The following CSNK1G3 variants were observed in gnomAD, a reference collection of about 807,000 sequenced individuals.
CSNK1G3 encodes casein kinase I isoform gamma-3.
CSNK1G3 carries 23 observed loss-of-function variants against 64.3 expected under a neutral mutation model. That is an observed-to-expected ratio of 0.36 (90% CI 0.26 to 0.51). The LOEUF (loss-of-function observed/expected upper bound fraction) is 0.51. CSNK1G3 is among the 20% of genes least tolerant of loss of function. The pLI, the probability that CSNK1G3 is intolerant of heterozygous loss-of-function variation, is 0.96. For synonymous variants in CSNK1G3, 158 were observed against 162.2 expected (o/e 0.97, Z 0.20); for missense variants, 357 against 510.5 (o/e 0.70, Z 2.90).
chr5:123,578,910 C>T (rs754957895), intron 6 of CSNK1G3, among the ~76,000 whole-genome samples: 1 of 151,960 alleles, frequency 6.6e-6, no homozygotes, highest in Non-Finnish European at 1.5e-5. Context: ...GTATTCATAT[C>T]AGAGAAAGTA....
intron 12 of CSNK1G3, among the ~76,000 whole-genome samples, chr5:123,608,007 C>CGCCA (rs928516193): frequency 1.3e-4 from 20 of 151,984 alleles, no homozygotes; most frequent in African/African-American, 4.8e-4. Flanking sequence ...GTTGCCAAGG[C>CGCCA]TGGCCCTGAA....
rs190756782 is a variant in CSNK1G3, at chr5:123,540,619, C to G, written c.-247-4798C>G. Among the ~76,000 whole-genome samples, 386 of 151,548 alleles carry G rather than the reference C, an allele frequency of 2.5e-3. 1 individual carries two copies. Among genetic ancestry groups the G allele is most frequent in the Admixed American group, 4.5e-3 (68 of 15,198 alleles). On this transcript the variant is annotated intron_variant, in intron 1 of 12. Coordinates refer to ENST00000345990, the Ensembl canonical transcript of CSNK1G3. Reference sequence around the variant, plus strand: ...ACTCTTCTAGATGCTATACAGCTGTCGATTTCTAATTTAATTATTTTTTAT... The same window carrying G: ...ACTCTTCTAGATGCTATACAGCTGTGGATTTCTAATTTAATTATTTTTTAT...
chr5:123,609,329 A>T (rs1795906270), intron 12 of CSNK1G3, among the ~76,000 whole-genome samples: 1 of 152,158 alleles, frequency 6.6e-6, no homozygotes, highest in Non-Finnish European at 1.5e-5. Context: ...GGTTCAGCAG[A>T]TTGCAGAAAA....
chr5:123,583,325 A>G (rs1197610117), intron 6 of CSNK1G3, among the ~76,000 whole-genome samples: 2 of 145,342 alleles, frequency 1.4e-5, no homozygotes, highest in Non-Finnish European at 1.5e-5. Flanking sequence ...TTAAAATTCA[A>G]TTTTCACTTG....
intron 1 of CSNK1G3, among the ~76,000 whole-genome samples, chr5:123,539,594 G>A (rs1204145463): frequency 1.3e-5 from 2 of 152,076 alleles, no homozygotes; most frequent in Non-Finnish European, 2.9e-5. Flanking sequence ...CTTATGTTGT[G>A]AAGAATTTTT....
intron 10 of CSNK1G3, among the ~76,000 whole-genome samples, chr5:123,603,183 C>T (rs543038822): frequency 6.6e-6 from 1 of 151,926 alleles, no homozygotes; most frequent in South Asian, 2.1e-4. Context: ...TATTAGAGTT[C>T]TTATGTAGGG....
intron 6 of CSNK1G3, among the ~76,000 whole-genome samples, chr5:123,576,816 G>T (rs1789255496): frequency 6.6e-6 from 1 of 151,936 alleles, no homozygotes; most frequent in Non-Finnish European, 1.5e-5. Context: ...GTTAGATTTT[G>T]GGATTATGTA....
intron 8 of CSNK1G3, among the ~76,000 whole-genome samples, chr5:123,589,293 T>A (rs905830984): frequency 6.6e-6 from 1 of 152,326 alleles, no homozygotes; most frequent in African/African-American, 2.4e-5. Context: ...TATTATTCAT[T>A]GACAGCAAAC....
chr5:123,526,670 TAAC>T (rs1268376752), intron 1 of CSNK1G3, among the ~76,000 whole-genome samples: 4 of 152,210 alleles, frequency 2.6e-5, no homozygotes, highest in African/African-American at 9.6e-5. Flanking sequence ...ATGTGTTATA[TAAC>T]CTTTTGATTC....
At chr5:123,565,752 G>A (rs1786737528) in intron 4 of CSNK1G3, among the ~76,000 whole-genome samples, 1 of 152,134 alleles carries the variant, frequency 6.6e-6, no homozygotes, top group African/African-American at 2.4e-5. Context: ...CAGAAGGCAA[G>A]GGGAAGCCAG....
chr5:123,563,566 G>A (rs750927982), intron 4 of CSNK1G3, among the ~76,000 whole-genome samples: 4 of 151,970 alleles, frequency 2.6e-5, no homozygotes, highest in Admixed American at 6.6e-5. Context: ...TTAAATGAAC[G>A]TTGGTGATTT....
At chr5:123,522,074 T>C (rs1254173121) in intron 1 of CSNK1G3, among the ~76,000 whole-genome samples, 1 of 152,214 alleles carries the variant, frequency 6.6e-6, no homozygotes, top group African/African-American at 2.4e-5. Context: ...AACTGTCTTT[T>C]TAAAATTTGA....
chr5:123,587,951 G>GT, intron 6 of CSNK1G3, 117 bp from the exon 7 acceptor site: 3 of 627,182 alleles, frequency 4.8e-6, no homozygotes, highest in Non-Finnish European at 8.3e-6. Context: ...TCTGTATTTT[G>GT]TATTTATATG....
chr5:123,583,675 TTGA>T (rs1259573808), intron 6 of CSNK1G3, among the ~76,000 whole-genome samples: 1 of 151,664 alleles, frequency 6.6e-6, no homozygotes, highest in Non-Finnish European at 1.5e-5. Flanking sequence ...AGAAATCCAG[TTGA>T]TTTTTATTTT....
intron 6 of CSNK1G3, among the ~76,000 whole-genome samples, chr5:123,576,210 G>C (rs923970003): frequency 2.0e-5 from 3 of 152,044 alleles, no homozygotes; most frequent in African/African-American, 4.8e-5. Flanking sequence ...TATATAACTT[G>C]AAGTGTTCAA....
chr5:123,564,796 A>G (rs1405194379), intron 4 of CSNK1G3, among the ~76,000 whole-genome samples: 1 of 152,186 alleles, frequency 6.6e-6, no homozygotes, highest in Admixed American at 6.5e-5. Context: ...TTACTGCTAA[A>G]TGCAGATATT....
At chr5:123,588,468 A>G (rs1296331448) in exon 8 of CSNK1G3, 3 of 1,613,000 alleles carry the variant, frequency 1.9e-6, no homozygotes, top group East Asian at 4.5e-5. Context: ...TTGGAGATAC[A>G]AAACGGGCTA....
At chr5:123,515,295 T>G (rs1030867209) in intron 1 of CSNK1G3, among the ~76,000 whole-genome samples, 2 of 152,204 alleles carry the variant, frequency 1.3e-5, no homozygotes, top group Non-Finnish European at 2.9e-5. Context: ...AACAAGCGGT[T>G]GTTTTGTTCC....
At chr5:123,534,892 A>G (rs1349067567) in intron 1 of CSNK1G3, among the ~76,000 whole-genome samples, 1 of 152,146 alleles carries the variant, frequency 6.6e-6, no homozygotes, top group Non-Finnish European at 1.5e-5. Context: ...ACATTTGGTC[A>G]TGTCCAAGTG....
Sources: gnomAD v4.1 joint callset for allele counts (sites outside exome capture counted in the v4.1 genomes callset) on GRCh38, gnomAD v4.1.1 for gene constraint, MANE v1.5 for transcripts, NCBI Gene and HGNC (gene_info 2026-07-23, HGNC 2026-07-21) for gene names.